ARHGAP18: variants seen among roughly 807,000 people sequenced by gnomAD.
The protein encoded by ARHGAP18 is Rho GTPase activating protein 18.
Under a neutral mutation model 86.2 loss-of-function variants are expected in ARHGAP18, and 67 were observed. That is an observed-to-expected ratio of 0.78 (90% CI 0.64 to 0.95). The LOEUF (loss-of-function observed/expected upper bound fraction) is 0.95, where lower values mean the gene tolerates loss of function less well. Among genes scored for constraint, ARHGAP18 ranks in the 40% least tolerant of loss-of-function variants. The pLI is 0.00. For missense variants in ARHGAP18, 691 were observed against 780.4 expected (o/e 0.89, Z 1.37); for synonymous variants, 283 against 280.4 (o/e 1.01, Z -0.09).
intron 1 of ARHGAP18, among the ~76,000 whole-genome samples, chr6:129,668,399 C>G (rs531329147): frequency 7.4e-6 from 1 of 135,522 alleles, no homozygotes; most frequent in South Asian, 2.4e-4. Flanking sequence ...CACACACACA[C>G]AGACACACAC....
At chr6:129,663,294 A>C (rs992193561) in intron 1 of ARHGAP18, among the ~76,000 whole-genome samples, 3 of 152,156 alleles carry the variant, frequency 2.0e-5, no homozygotes, top group Non-Finnish European at 4.4e-5. Flanking sequence ...CAGCAAATAC[A>C]CTGTGATTAT....
chr6:129,595,203 A>G (rs1411902304), intron 12 of ARHGAP18, among the ~76,000 whole-genome samples: 1 of 152,144 alleles, frequency 6.6e-6, no homozygotes, highest in East Asian at 1.9e-4. Context: ...AATCATAGCT[A>G]TTACCCCCTA....
In ARHGAP18 at chr6:129,654,559, T is replaced by C. The variant is rs1364579854; in HGVS notation, c.114-12541A>G. ...CAATATGGCATCAGGTTCCAAAATG[T>C]CATTCCCTGTGGGGATCTGAAACAG... On this transcript the variant is annotated intron_variant, in intron 1 of 14. Coordinates refer to ENST00000368149, the MANE Select transcript of ARHGAP18 (RefSeq NM_033515.3). Among the ~76,000 whole-genome samples, 62 of 152,210 alleles carry C rather than the reference T, an allele frequency of 4.1e-4. 1 individual carries two copies. Among genetic ancestry groups the C allele is most frequent in the Admixed American group, 4.1e-3 (62 of 15,276 alleles).
chr6:129,631,629 T>C (rs139333546), intron 4 of ARHGAP18, among the ~76,000 whole-genome samples: 1 of 152,304 alleles, frequency 6.6e-6, no homozygotes, highest in East Asian at 1.9e-4. Context: ...AGTCTCTTTT[T>C]AAGTGCACAA....
At chr6:129,582,223 T>C (rs1270894777) in intron 13 of ARHGAP18, among the ~76,000 whole-genome samples, 1 of 152,124 alleles carries the variant, frequency 6.6e-6, no homozygotes, top group East Asian at 1.9e-4. Flanking sequence ...AAAATCCAAA[T>C]TTGTCAGACG....
In ARHGAP18 at chr6:129,609,267, T is replaced by C. The variant is rs1788928183; in HGVS notation, c.1123-1215A>G. Among the ~76,000 whole-genome samples, 5 of 152,232 alleles carry C rather than the reference T, an allele frequency of 3.3e-5. No individual in the cohort carries two copies. The South Asian group carries it at 1.0e-3, about 32-fold the overall frequency. ...AACCAACATTTTTGCATATTATCTT[T>C]TAAATTATTTATAATGGACCAGCTG... is the stretch of plus-strand genomic sequence containing the variant. On this transcript the variant is annotated intron_variant, in intron 8 of 14. Coordinates refer to ENST00000368149, the MANE Select transcript of ARHGAP18 (RefSeq NM_033515.3).
intron 12 of ARHGAP18, among the ~76,000 whole-genome samples, chr6:129,592,718 A>T (rs1788542104): frequency 6.6e-6 from 1 of 152,174 alleles, no homozygotes; most frequent in Non-Finnish European, 1.5e-5. Flanking sequence ...CTTGAATGGC[A>T]GAAGAAACAT....
chr6:129,577,565 C>G lies in ARHGAP18; in HGVS notation c.*948G>C, dbSNP rs1788203676. 1 of 151,754 alleles carries G rather than the reference C, an allele frequency of 6.6e-6. No individual in the cohort carries two copies. The highest frequency in any genetic ancestry group is 1.5e-5 in the Non-Finnish European group (1 of 67,954). 9.4% of individuals were successfully genotyped at this position (151,754 alleles called of 1,614,324 possible). Reference sequence around the variant, plus strand: ...TTTTTCACCCAGAAGAATAATTCTTCCAGTAGACTTATTCAGGACTTAAAA... The same window carrying G: ...TTTTTCACCCAGAAGAATAATTCTTGCAGTAGACTTATTCAGGACTTAAAA... On this transcript the variant is annotated 3_prime_UTR_variant, in exon 15 of 15. Transcript: ENST00000368149.
intron 1 of ARHGAP18, among the ~76,000 whole-genome samples, chr6:129,653,078 T>A (rs1322820120): frequency 6.6e-6 from 1 of 152,206 alleles, no homozygotes; most frequent in Non-Finnish European, 1.5e-5. Context: ...GCATTATTAT[T>A]AAACTCTTCT....
intron 1 of ARHGAP18, among the ~76,000 whole-genome samples, chr6:129,675,552 C>A (rs1774216983): frequency 6.6e-6 from 1 of 152,084 alleles, no homozygotes. Context: ...GGAAAGCCCA[C>A]AAAAGCATTT....
At chr6:129,678,440 G>A (rs964385380) in intron 1 of ARHGAP18, among the ~76,000 whole-genome samples, 2 of 152,118 alleles carry the variant, frequency 1.3e-5, no homozygotes, top group South Asian at 2.1e-4. Context: ...TGCAGGAGCC[G>A]CTGGCATCTG....
At chr6:129,659,356 C>T (rs1402865759) in intron 1 of ARHGAP18, among the ~76,000 whole-genome samples, 1 of 152,250 alleles carries the variant, frequency 6.6e-6, no homozygotes, top group Non-Finnish European at 1.5e-5. Context: ...CATTTATTTT[C>T]TCATTGACTC....
At chr6:129,641,780 T>A (rs1360669893) in intron 2 of ARHGAP18, 36 bp downstream of exon 2, 1 of 1,568,814 alleles carries the variant, frequency 6.4e-7, no homozygotes. Context: ...TAAATACATA[T>A]ACAAACAACA....
At chr6:129,670,420 A>C (rs1359836247) in intron 1 of ARHGAP18, among the ~76,000 whole-genome samples, 2 of 152,172 alleles carry the variant, frequency 1.3e-5, no homozygotes, top group African/African-American at 4.8e-5. Flanking sequence ...GAAATTCTCT[A>C]TTTCAGAACT....
intron 1 of ARHGAP18, among the ~76,000 whole-genome samples, chr6:129,670,569 G>T: frequency 6.6e-6 from 1 of 152,092 alleles, no homozygotes; most frequent in Non-Finnish European, 1.5e-5. Context: ...AAAACAAACT[G>T]CCTGAAGAGA....
At chr6:129,625,674 A>ATAT (rs1789413959) in intron 5 of ARHGAP18, among the ~76,000 whole-genome samples, 3 of 45,812 alleles carry the variant, frequency 6.5e-5, no homozygotes, top group Non-Finnish European at 8.8e-5. Context: ...TTTATATTAT[A>ATAT]TTATATATAT....
chr6:129,692,051 C>T (rs1283458116), intron 1 of ARHGAP18, among the ~76,000 whole-genome samples: 2 of 152,140 alleles, frequency 1.3e-5, no homozygotes, highest in African/African-American at 2.4e-5. Flanking sequence ...GAGCAACTGC[C>T]CTTTCCTTCC....
chr6:129,698,209 T>C (rs17057640), intron 1 of ARHGAP18, among the ~76,000 whole-genome samples: 20,069 of 152,174 alleles, frequency 0.13, 1,591 homozygotes, highest in East Asian at 0.23. Flanking sequence ...AGGCTTATCA[T>C]TTGTACCTAG....
At chr6:129,693,922 A>G (rs2114549233) in intron 1 of ARHGAP18, among the ~76,000 whole-genome samples, 1 of 152,334 alleles carries the variant, frequency 6.6e-6, no homozygotes, top group South Asian at 2.1e-4. Context: ...TGACCATGAA[A>G]TGCCAGTCGA....
Sources: gnomAD v4.1 joint callset for allele counts (sites outside exome capture counted in the v4.1 genomes callset) on GRCh38, gnomAD v4.1.1 for gene constraint, MANE v1.5 for transcripts, NCBI Gene and HGNC (gene_info 2026-07-23, HGNC 2026-07-21) for gene names.